OPRM1: variants seen among roughly 807,000 people sequenced by gnomAD.
The protein encoded by OPRM1 is opioid receptor mu 1.
In OPRM1, 27 loss-of-function variants were observed where a neutral mutation model predicts 31.8. The ratio of observed to expected loss-of-function variants is 0.85; its 90% CI spans 0.63 to 1.17. The LOEUF is 1.17. Among genes scored for constraint, OPRM1 ranks in the 50% most tolerant of loss-of-function variants. The pLI is 0.00. For missense variants in OPRM1, 536 were observed against 511.1 expected (o/e 1.05, Z -0.47); for synonymous variants, 196 against 189.9 (o/e 1.03, Z -0.26).
At chr6:154,012,367 G>T (rs554774633) in intron 1 of OPRM1, among the ~76,000 whole-genome samples, 3 of 152,248 alleles carry the variant, frequency 2.0e-5, no homozygotes, top group African/African-American at 4.8e-5. Context: ...ATCATGAATA[G>T]ATATATGTAT....
intron 1 of OPRM1, among the ~76,000 whole-genome samples, chr6:154,058,602 A>G (rs1403524037): frequency 6.6e-6 from 1 of 152,198 alleles, no homozygotes; most frequent in Non-Finnish European, 1.5e-5. Flanking sequence ...TTCTAAGGAC[A>G]AATAAACATG....
In OPRM1 at chr6:154,212,891, C is replaced by T. The variant is rs80003831; in HGVS notation, c.1165-33802C>T. 8,854 of 1,372,886 alleles carry T rather than the reference C, an allele frequency of 6.4e-3. 459 individuals carry two copies. The African/African-American group carries it at 0.11, about 17-fold the overall frequency. 85.0% of individuals were successfully genotyped at this position (1,372,886 alleles called of 1,614,324 possible). A position where few individuals can be genotyped will look rare whatever the true frequency, so the allele number is the denominator to read the frequency against. ...AATGAAAATGCTTAATGTTTTAACGCTGTCATCGCTTATTCCATAATGCAT... is the reference window on the plus strand; with the variant it reads ...AATGAAAATGCTTAATGTTTTAACGTTGTCATCGCTTATTCCATAATGCAT... On this transcript the variant is annotated intron_variant, in intron 3 of 3. Transcript: ENST00000337049.
chr6:154,057,580 T>G (rs367646344), intron 1 of OPRM1, among the ~76,000 whole-genome samples: 14 of 152,186 alleles, frequency 9.2e-5, no homozygotes, highest in African/African-American at 3.4e-4. Flanking sequence ...AGAGGCAAGA[T>G]AGTAGTGAGT....
chr6:154,056,114 C>A (rs765441546), intron 1 of OPRM1, among the ~76,000 whole-genome samples: 1 of 151,302 alleles, frequency 6.6e-6, no homozygotes, highest in Non-Finnish European at 1.5e-5. Context: ...CTTTTCTTTT[C>A]TTTTCTTTTT....
chr6:154,138,573 C>T (rs1248996510), intron 3 of OPRM1, among the ~76,000 whole-genome samples: 1 of 152,132 alleles, frequency 6.6e-6, no homozygotes, highest in East Asian at 1.9e-4. Context: ...ACCACCTTTG[C>T]AAAATTATGA....
At chr6:154,059,409 A>G (rs557105885) in intron 1 of OPRM1, among the ~76,000 whole-genome samples, 1 of 152,158 alleles carries the variant, frequency 6.6e-6, no homozygotes. Flanking sequence ...TCATTACTCA[A>G]TGTGTGACTA....
Position 154,119,958 on chromosome 6 carries a change from A to G in OPRM1, c.*1237A>G, listed in dbSNP as rs1208344203. Among the ~76,000 whole-genome samples the G allele has an allele frequency of 2.0e-5, 3 of 152,216 alleles. No homozygotes were observed. The highest frequency in any genetic ancestry group is 2.9e-5 in the Non-Finnish European group (2 of 68,036). ...CGATCTTCTAAGTAGTTTCTTTAAG[A>G]CAATTCTCCGCTTTAACTGATTTTC... On this transcript the variant is annotated 3_prime_UTR_variant, in exon 4 of 4. Transcript: ENST00000330432.
In OPRM1 at chr6:154,117,496, G is replaced by T. The variant is rs993273269; in HGVS notation, c.1165-1187G>T. ...ACTCCCAAATCCCACAAGGCAATAC[G>T]ATGGGACCAGACTGCAGTACACACA... On this transcript the variant is annotated intron_variant, in intron 3 of 3. Transcript: ENST00000330432. Among the ~76,000 whole-genome samples the T allele has an allele frequency of 8.5e-5, 13 of 152,216 alleles. No individual in the cohort carries two copies. The South Asian group carries it at 1.9e-3, about 22-fold the overall frequency.
chr6:154,204,108 C>T lies in OPRM1; in HGVS notation c.1165-42585C>T, dbSNP rs565415815. ...AAGTTAAAGACATTTCAAAAATCTT[C>T]GTTCTAGTTAAGAGACTATGATATG... On this transcript the variant is annotated intron_variant, in intron 3 of 3. Transcript: ENST00000337049. 4.6e-5 allele frequency among the ~76,000 whole-genome samples: 7 copies of T among 152,230 alleles called. No individual in the cohort carries two copies. The South Asian group carries it at 1.0e-3, about 23-fold the overall frequency.
intron 3 of OPRM1, chr6:154,223,083 A>T: frequency 9.6e-7 from 1 of 1,042,430 alleles, no homozygotes; most frequent in Non-Finnish European, 1.5e-6. Flanking sequence ...ACCTTCACTC[A>T]CTTCTAAATC....
intron 1 of OPRM1, among the ~76,000 whole-genome samples, chr6:154,014,804 A>T (rs1562368060): frequency 6.6e-6 from 1 of 152,176 alleles, no homozygotes; most frequent in Admixed American, 6.5e-5. Flanking sequence ...CCAAAATAAA[A>T]TTTGCCTTAA....
At chr6:154,230,293 T>C (rs1200498886) in intron 3 of OPRM1, among the ~76,000 whole-genome samples, 1 of 152,184 alleles carries the variant, frequency 6.6e-6, no homozygotes, top group East Asian at 1.9e-4. Context: ...GGGATATTGA[T>C]AATGGGGAGG....
In OPRM1 at chr6:154,168,846, TC is replaced by T. The variant is rs71021029; in HGVS notation, c.1164+77376del. Among the ~76,000 whole-genome samples the T allele has an allele frequency of 0.083, 12,581 of 151,962 alleles. 724 individuals are homozygous for T. Among genetic ancestry groups the T allele is most frequent in the African/African-American group, 0.16 (6,500 of 41,422 alleles). On this transcript the variant is annotated intron_variant, in intron 3 of 3. Coordinates refer to the OPRM1 transcript ENST00000337049. This position sits in a 1 kb window ranked among gnomAD's most constrained non-coding sequence, Gnocchi z 4.1. Reference sequence around the variant, plus strand: ...GTCTTGAACTCCTGACTTTGGGTGATCCGCCCACCTTGGCCTCCCAAAGTGC... The same window carrying T: ...GTCTTGAACTCCTGACTTTGGGTGATCGCCCACCTTGGCCTCCCAAAGTGC...
chr6:154,226,852 C>T (rs1779292731), intron 3 of OPRM1, among the ~76,000 whole-genome samples: 1 of 152,022 alleles, frequency 6.6e-6, no homozygotes, highest in Non-Finnish European at 1.5e-5. Flanking sequence ...TTCATCTCTC[C>T]CCCTCCCCCA....
chr6:154,099,412 GAGAGAA>G (rs1405134142), intron 3 of OPRM1, among the ~76,000 whole-genome samples: 27 of 73,180 alleles, frequency 3.7e-4, no homozygotes, highest in East Asian at 2.2e-3. Context: ...AAGAAAGAAA[GAGAGAA>G]AGAGAAAGAA....
Position 154,118,855 on chromosome 6 carries a change from C to T in OPRM1, c.*134C>T. On this transcript the variant is annotated 3_prime_UTR_variant, in exon 4 of 4. Transcript: ENST00000330432. ...TGCTTTTAGGTCATCCAACCTCTTT[C>T]CTCTCTGGCCACTCTGCTCTGCACA... 2 of 1,506,130 alleles carry T rather than the reference C, an allele frequency of 1.3e-6. No individual in the cohort carries two copies. Among genetic ancestry groups the T allele is most frequent in the Non-Finnish European group, 1.8e-6 (2 of 1,136,584 alleles). The allele number at this position is 1,506,130 out of a possible 1,614,324, so 93.3% of individuals were successfully genotyped here. A position where few individuals can be genotyped will look rare whatever the true frequency, so the allele number is the denominator to read the frequency against.
At position 154,192,022 on chromosome 6, in the gene OPRM1, A is replaced by AACGGAC. The variant is rs1801934560; in HGVS notation, c.1165-54670_1165-54669insCGGACA. Among the ~76,000 whole-genome samples the AACGGAC allele has an allele frequency of 3.9e-5, 6 of 152,310 alleles. No individual in the cohort carries two copies. The Middle Eastern group carries it at 0.014, about 345-fold the overall frequency. On this transcript the variant is annotated intron_variant, in intron 3 of 3. Coordinates refer to the OPRM1 transcript ENST00000337049. ...TACATTTATTGTTGTATAGTAAAAC[A>AACGGAC]ATGGAGTACTATAAAACAATGAAAA...
At chr6:154,020,152 G>C (rs1048956168) in intron 1 of OPRM1, among the ~76,000 whole-genome samples, 4 of 152,136 alleles carry the variant, frequency 2.6e-5, no homozygotes, top group African/African-American at 9.7e-5. Flanking sequence ...TATGAATAAA[G>C]CTGCTATAAA....
chr6:154,243,307 G>A (rs183798745), intron 3 of OPRM1, among the ~76,000 whole-genome samples: 7 of 152,302 alleles, frequency 4.6e-5, no homozygotes, highest in Admixed American at 2.0e-4. Context: ...GGATTTCTAC[G>A]GCTGTTAAAC....
Sources: gnomAD v4.1 joint callset for allele counts (sites outside exome capture counted in the v4.1 genomes callset) on GRCh38, gnomAD v4.1.1 for gene constraint, Gnocchi (gnomAD v3.1) non-coding constraint, MANE v1.5 for transcripts, NCBI Gene and HGNC (gene_info 2026-07-23, HGNC 2026-07-21) for gene names.